Variants in PRKCE observed in about 807,000 individuals in gnomAD.
PRKCE encodes protein kinase C epsilon type.
Under a neutral mutation model 85.4 loss-of-function variants are expected in PRKCE, and 16 were observed. That is an observed-to-expected ratio of 0.19 (90% CI 0.13 to 0.28). PRKCE has a LOEUF of 0.28. Ranked by LOEUF, PRKCE falls within the 10% of genes least tolerant of loss-of-function variation. PRKCE has a pLI of 1.00. For missense variants in PRKCE, 573 were observed against 975.2 expected (o/e 0.59, Z 5.49); for synonymous variants, 388 against 371.5 (o/e 1.04, Z -0.51).
chr2:46,015,691 C>CAAAAAAAAAAA (rs749060776), intron 10 of PRKCE, among the ~76,000 whole-genome samples: 9 of 80,796 alleles, frequency 1.1e-4, no homozygotes, highest in African/African-American at 2.3e-4. Flanking sequence ...AACACTAAAC[C>CAAAAAAAAAAA]AAAAAAAAAA....
chr2:45,990,085 C>CA (rs1295800542), intron 6 of PRKCE, among the ~76,000 whole-genome samples: 36 of 152,342 alleles, frequency 2.4e-4, no homozygotes, highest in African/African-American at 8.4e-4. Context: ...CTTATTTTCT[C>CA]AGAGTTTCCG....
chr2:46,062,668 C>CTTTTTTTTTTTT lies in PRKCE; in HGVS notation c.1438-23526_1438-23515dup, dbSNP rs71394871. Among the ~76,000 whole-genome samples, 15 of 73,294 alleles carry CTTTTTTTTTTTT rather than the reference C, an allele frequency of 2.0e-4. 1 individual carries two copies. Among genetic ancestry groups the CTTTTTTTTTTTT allele is most frequent in the East Asian group, 5.0e-4 (1 of 1,990 alleles). The allele number at this position is 73,294 out of a possible 152,430, so 48.1% of individuals were successfully genotyped here. On this transcript the variant is annotated intron_variant, in intron 10 of 14. Coordinates refer to ENST00000306156, the MANE Select transcript of PRKCE (RefSeq NM_005400.3). Reference sequence around the variant, plus strand: ...GAGTTGAAGGGTATAAAAGCTCAGCCTTTTTTTTTTTTTTTTTTTTTTTTT... The same window carrying CTTTTTTTTTTTT: ...GAGTTGAAGGGTATAAAAGCTCAGCCTTTTTTTTTTTTTTTTTTTTTTTTTTTTTTTTTTTTT...
intron 2 of PRKCE, among the ~76,000 whole-genome samples, chr2:45,865,815 C>CTTTTT (rs36102606): frequency 7.5e-6 from 1 of 133,666 alleles, no homozygotes; most frequent in Non-Finnish European, 1.6e-5. Flanking sequence ...TCTTCTTCTT[C>CTTTTT]TTTTTTTTTT....
At chr2:45,703,241 C>T (rs1311958320) in intron 1 of PRKCE, among the ~76,000 whole-genome samples, 1 of 151,956 alleles carries the variant, frequency 6.6e-6, no homozygotes, top group Non-Finnish European at 1.5e-5. Flanking sequence ...AAGGAATAAT[C>T]AAAACTCCTT....
chr2:46,016,261 G>T (rs562759042), intron 10 of PRKCE, among the ~76,000 whole-genome samples: 2 of 152,254 alleles, frequency 1.3e-5, no homozygotes, highest in South Asian at 4.1e-4. Flanking sequence ...AGGACCTTTG[G>T]TCAAACTAGT....
In PRKCE at chr2:46,185,213, C is replaced by A; in HGVS notation, c.*332C>A. 1 of 243,330 alleles carries A rather than the reference C, an allele frequency of 4.1e-6. No homozygotes were observed. Among genetic ancestry groups the A allele is most frequent in the African/African-American group, 2.3e-5 (1 of 44,262 alleles). 15.1% of individuals were successfully genotyped at this position (243,330 alleles called of 1,614,324 possible). On this transcript the variant is annotated 3_prime_UTR_variant, in exon 15 of 15. Coordinates refer to ENST00000306156, the MANE Select transcript of PRKCE (RefSeq NM_005400.3). The surrounding 1 kb of genome is among the most constrained non-coding windows in gnomAD (Gnocchi z 4.7). ...TGAAGCAACTTCAGTTCTTTTACTG[C>A]AAAGAACAGAAAAAAGAAAGAAAGC...
chr2:45,660,118 G>A lies in PRKCE; in HGVS notation c.348+7670G>A, dbSNP rs886616190. On this transcript the variant is annotated intron_variant, in intron 1 of 14. Coordinates refer to ENST00000306156, the MANE Select transcript of PRKCE (RefSeq NM_005400.3). The stretch of plus-strand genomic sequence containing the variant: ...GTGTATTTCTATAGTACCTACTATG[G>A]TCTAGCACTGTTGGTAGATATGGGG... 4.6e-5 allele frequency among the ~76,000 whole-genome samples: 7 copies of A among 152,290 alleles called. 1 individual carries two copies. In the South Asian group the frequency reaches 1.2e-3, roughly 27 times the overall value.
At chr2:45,730,413 C>G (rs561142703) in intron 1 of PRKCE, among the ~76,000 whole-genome samples, 39 of 151,708 alleles carry the variant, frequency 2.6e-4, no homozygotes, top group African/African-American at 8.7e-4. Context: ...CTACCTTGGC[C>G]TCCCAAAGCT....
At chr2:45,952,958 G>A (rs1217033591) in intron 2 of PRKCE, among the ~76,000 whole-genome samples, 3 of 152,308 alleles carry the variant, frequency 2.0e-5, no homozygotes, top group South Asian at 4.2e-4. Context: ...GGTAGGCTGA[G>A]TTCACCCTGA....
At chr2:46,002,484 A>G (rs1323794831) in intron 7 of PRKCE, among the ~76,000 whole-genome samples, 4 of 152,176 alleles carry the variant, frequency 2.6e-5, no homozygotes, top group African/African-American at 9.7e-5. Context: ...TCATCTTGTC[A>G]TGTTAGAAGC....
At chr2:45,760,107 G>C (rs1285691113) in intron 1 of PRKCE, among the ~76,000 whole-genome samples, 1 of 152,196 alleles carries the variant, frequency 6.6e-6, no homozygotes, top group Non-Finnish European at 1.5e-5. Flanking sequence ...GAGGTGATCA[G>C]GGAAGGTTAC....
At chr2:46,168,348 T>A (rs947530888) in intron 14 of PRKCE, among the ~76,000 whole-genome samples, 1 of 152,166 alleles carries the variant, frequency 6.6e-6, no homozygotes, top group Admixed American at 6.5e-5. Context: ...GAGGACTTCC[T>A]AGGCCACGCC....
chr2:45,860,435 G>T (rs900559611), intron 2 of PRKCE, among the ~76,000 whole-genome samples: 100 of 152,300 alleles, frequency 6.6e-4, no homozygotes, highest in African/African-American at 2.2e-3. Flanking sequence ...TGTAGCTGGG[G>T]CCCCCTGATG....
intron 1 of PRKCE, among the ~76,000 whole-genome samples, chr2:45,735,797 G>A (rs890753756): frequency 2.6e-5 from 4 of 152,196 alleles, no homozygotes; most frequent in Non-Finnish European, 5.9e-5. Flanking sequence ...TAGACGCCAG[G>A]CAGGAGGTAA....
At chr2:46,049,383 A>C (rs6748375) in intron 10 of PRKCE, among the ~76,000 whole-genome samples, 66,094 of 151,980 alleles carry the variant, frequency 0.43, 14,634 homozygotes, top group Middle Eastern at 0.49. Context: ...TCATGCCCAC[A>C]GATACTTTAA....
rs374319757 is a variant in PRKCE, at chr2:45,837,856, C to T, written c.349-5144C>T. ...CTTCACTCCAGCCTGGGGCACAGAG[C>T]GAGACTCTGTCTCAAAAATTTTTTT... On this transcript the variant is annotated intron_variant, in intron 1 of 14. Coordinates refer to ENST00000306156, the MANE Select transcript of PRKCE (RefSeq NM_005400.3). Among the ~76,000 whole-genome samples, 4 of 152,112 alleles carry T rather than the reference C, an allele frequency of 2.6e-5. No homozygotes were observed. The East Asian group carries it at 5.8e-4, about 22-fold the overall frequency.
chr2:46,008,556 T>C (rs142930049), intron 9 of PRKCE, among the ~76,000 whole-genome samples: 70 of 152,274 alleles, frequency 4.6e-4, no homozygotes, highest in African/African-American at 1.7e-3. Context: ...TGGGATCACA[T>C]GCCCTGGCAT....
At chr2:45,689,674 C>T (rs1225217890) in intron 1 of PRKCE, among the ~76,000 whole-genome samples, 2 of 151,794 alleles carry the variant, frequency 1.3e-5, no homozygotes, top group Non-Finnish European at 2.9e-5. Flanking sequence ...CTTTGGGAGG[C>T]CGAGGGAGGT....
intron 1 of PRKCE, among the ~76,000 whole-genome samples, chr2:45,699,113 T>C (rs989242974): frequency 1.1e-4 from 16 of 152,088 alleles, no homozygotes; most frequent in African/African-American, 3.9e-4. Context: ...AATATATTTT[T>C]TTCCTTCTGC....
Sources: allele counts gnomAD v4.1 joint callset (sites outside exome capture counted in the v4.1 genomes callset), GRCh38; gene constraint gnomAD v4.1.1; non-coding constraint Gnocchi (gnomAD v3.1); transcripts MANE v1.5; gene names NCBI Gene and HGNC (gene_info 2026-07-23, HGNC 2026-07-21).